COL28A1: variants seen among roughly 807,000 people sequenced by gnomAD.
The protein encoded by COL28A1 is collagen type XXVIII alpha 1 chain.
COL28A1 carries 161 observed loss-of-function variants against 150.2 expected under a neutral mutation model. The observed-to-expected ratio is 1.07, with a 90% confidence interval of 0.94 to 1.22. The LOEUF is 1.22. COL28A1 is among the 50% of genes most tolerant of loss of function. The pLI, the probability that COL28A1 is intolerant of heterozygous loss-of-function variation, is 0.00. For missense variants in COL28A1, 1,617 were observed against 1,388.3 expected, an observed-to-expected ratio of 1.16 and a Z score of -2.62; for synonymous variants, 552 against 469.7, an observed-to-expected ratio of 1.18 and a Z score of -2.26.
At chr7:7,507,524 T>C (rs1179743593) in intron 9 of COL28A1, among the ~76,000 whole-genome samples, 1 of 152,234 alleles carries the variant, frequency 6.6e-6, no homozygotes, top group African/African-American at 2.4e-5. Context: ...ATTAACAATG[T>C]AGTGCATTTC....
the COL28A1 span, among the ~76,000 whole-genome samples, chr7:7,342,836 G>C: frequency 2.6e-5 from 4 of 151,728 alleles, no homozygotes; most frequent in African/African-American, 9.7e-5. Context: ...TTATCAATTT[G>C]TTTGTCCCTT....
At chr7:7,449,446 A>G (rs568865283) in intron 18 of COL28A1, among the ~76,000 whole-genome samples, 9 of 151,994 alleles carry the variant, frequency 5.9e-5, no homozygotes, top group African/African-American at 1.9e-4. Context: ...TTCAGCAAAC[A>G]TCACACTTAA....
At chr7:7,376,639 A>C (rs1043862154) in intron 30 of COL28A1, among the ~76,000 whole-genome samples, 17 of 152,108 alleles carry the variant, frequency 1.1e-4, no homozygotes, top group African/African-American at 1.7e-4. Flanking sequence ...GGTAAAATGT[A>C]TGTATTTATA....
At chr7:7,536,141 G>T (rs1782627683), upstream of COL28A1, among the ~76,000 whole-genome samples, 1 of 151,986 alleles carries the variant, frequency 6.6e-6, no homozygotes, top group Admixed American at 6.6e-5. Flanking sequence ...TTTGCCTGGG[G>T]GATGTGCTCT....
chr7:7,498,912 A>G (rs115826583), intron 11 of COL28A1, among the ~76,000 whole-genome samples: 2,619 of 150,762 alleles, frequency 0.017, 66 homozygotes, highest in African/African-American at 0.06. Flanking sequence ...ACACACACGC[A>G]CACACACACA....
rs1786771010 is a variant in COL28A1 at position 7,452,382 on chromosome 7, T to C, written c.1446A>G (p.Glu482=). 1 of 1,596,112 alleles carries C rather than the reference T, an allele frequency of 6.3e-7. No individual in the cohort carries two copies. ...GGCCTGTAGGTCCCATTTGGCCTAC[T>C]TCTCCCTAGTAAGAAAAGAGTTTAA... The part of the protein sequence containing the change: ...AGQGLPGSKG[E]VGQMGPTGPR... Residue 482 remains glutamate, a synonymous_variant, in exon 18 of 35, where the codon GAA becomes GAG. Transcript: ENST00000399429.
chr7:7,424,302 G>C (rs543842853), intron 25 of COL28A1, among the ~76,000 whole-genome samples: 1 of 152,306 alleles, frequency 6.6e-6, no homozygotes, highest in South Asian at 2.1e-4. Flanking sequence ...CTTTGAAAAT[G>C]ATCTTTTGTG....
intron 15 of COL28A1, among the ~76,000 whole-genome samples, chr7:7,458,610 T>A (rs1191557198): frequency 3.3e-5 from 5 of 152,280 alleles, no homozygotes; most frequent in Admixed American, 1.3e-4. Context: ...CATAATGGAA[T>A]CCAGTTCTGG....
At chr7:7,499,232 A>C (rs1780387942) in intron 11 of COL28A1, among the ~76,000 whole-genome samples, 1 of 152,122 alleles carries the variant, frequency 6.6e-6, no homozygotes, top group South Asian at 2.1e-4. Flanking sequence ...AAAAACGTTC[A>C]CATCGTTTGG....
intron 18 of COL28A1, among the ~76,000 whole-genome samples, chr7:7,448,954 A>C (rs536340910): frequency 6.6e-6 from 1 of 152,238 alleles, no homozygotes; most frequent in South Asian, 2.1e-4. Context: ...ATCTGTGGGA[A>C]GCCTATTAGT....
chr7:7,397,770 T>C (rs1168354710), intron 27 of COL28A1, among the ~76,000 whole-genome samples: 1 of 152,188 alleles, frequency 6.6e-6, no homozygotes, highest in African/African-American at 2.4e-5. Flanking sequence ...AGAAATGTTG[T>C]ACAGGTACCT....
intron 16 of COL28A1, among the ~76,000 whole-genome samples, chr7:7,455,608 T>TA (rs1193847987): frequency 1.3e-5 from 2 of 152,162 alleles, no homozygotes; most frequent in African/African-American, 4.8e-5. Flanking sequence ...AATACTTTTT[T>TA]AAAAAATGGA....
intron 19 of COL28A1, among the ~76,000 whole-genome samples, chr7:7,444,045 CA>C (rs1351835814): frequency 8.1e-6 from 1 of 123,116 alleles, no homozygotes; most frequent in Admixed American, 9.7e-5. Context: ...CAAATGTCAA[CA>C]CAAAATACTT....
chr7:7,395,872 G>A (rs775594429), intron 27 of COL28A1, among the ~76,000 whole-genome samples: 5 of 152,100 alleles, frequency 3.3e-5, no homozygotes, highest in African/African-American at 9.7e-5. Context: ...TAGGAACCGG[G>A]GGAACTGTAC....
In COL28A1 at chr7:7,502,859, G is replaced by A. The variant is rs1231797864; in HGVS notation, c.1026+3155C>T. Among the ~76,000 whole-genome samples, 4 of 96,866 alleles carry A rather than the reference G, an allele frequency of 4.1e-5. 2 individuals carry two copies. The highest frequency in any genetic ancestry group is 7.3e-5 in the Non-Finnish European group (4 of 54,770). The allele number at this position is 96,866 out of a possible 152,430, so 63.5% of individuals were successfully genotyped here. The stretch of plus-strand genomic sequence containing the variant: ...ACTACAGGCGCCCGCTACCACGCCC[G>A]GCTAATTTTTTGTATTTTTAGTAGA... On this transcript the variant is annotated intron_variant, in intron 11 of 34. Transcript: ENST00000399429.
At chr7:7,499,211 G>A (rs73049756) in intron 11 of COL28A1, among the ~76,000 whole-genome samples, 273 of 152,192 alleles carry the variant, frequency 1.8e-3, no homozygotes, top group Middle Eastern at 3.4e-3. Context: ...AGACTTTGAC[G>A]TCTTTGAAGG....
Position 7,443,963 on chromosome 7 carries a change from G to C in COL28A1, c.1582-310C>G, listed in dbSNP as rs566457361. On this transcript the variant is annotated intron_variant, in intron 19 of 34. Transcript: ENST00000399429. The stretch of plus-strand genomic sequence containing the variant: ...GGTAGATTTTTTAAAAAACAGGGAA[G>C]ACCTTCAGCCTTTCCATCTGCTGTT... Among the ~76,000 whole-genome samples, 761 of 144,070 alleles carry C rather than the reference G, an allele frequency of 5.3e-3. 6 individuals are homozygous for C. Among genetic ancestry groups the C allele is most frequent in the African/African-American group, 0.019 (726 of 39,036 alleles). The allele number at this position is 144,070 out of a possible 152,430, so 94.5% of individuals were successfully genotyped here. A position where few individuals can be genotyped will look rare whatever the true frequency, so the allele number is the denominator to read the frequency against.
intron 15 of COL28A1, among the ~76,000 whole-genome samples, chr7:7,460,094 A>G (rs887542617): frequency 1.3e-5 from 2 of 152,186 alleles, no homozygotes; most frequent in Non-Finnish European, 2.9e-5. Context: ...CCCATCCCTG[A>G]TTTCTTAAAT....
intron 25 of COL28A1, among the ~76,000 whole-genome samples, chr7:7,420,804 C>A (rs1195981530): frequency 6.6e-6 from 1 of 152,220 alleles, no homozygotes; most frequent in Non-Finnish European, 1.5e-5. Context: ...CAGCTCCACT[C>A]ACCTATTTTA....
Sources: gnomAD v4.1 joint callset for allele counts (sites outside exome capture counted in the v4.1 genomes callset) on GRCh38, gnomAD v4.1.1 for gene constraint, MANE v1.5 for transcripts, NCBI Gene and HGNC (gene_info 2026-07-23, HGNC 2026-07-21) for gene names.